The following PHGDH variants were observed in gnomAD, a reference collection of about 807,000 sequenced individuals.
PHGDH encodes D-3-phosphoglycerate dehydrogenase.
PHGDH carries 50 observed loss-of-function variants against 52.6 expected under a neutral mutation model. The ratio of observed to expected loss-of-function variants is 0.95; its 90% CI spans 0.76 to 1.20. PHGDH has a LOEUF of 1.20. Among genes scored for constraint, PHGDH ranks in the 50% most tolerant of loss-of-function variants. The pLI is 0.00. For synonymous variants in PHGDH, 271 were observed against 280.5 expected (o/e 0.97, Z 0.34); for missense variants, 630 against 684.6 (o/e 0.92, Z 0.89).
intron 3 of PHGDH, chr1:119,724,838 C>T (rs1452104049): frequency 2.2e-6 from 1 of 456,502 alleles, no homozygotes. Context: ...AAGAAGCTCC[C>T]CATTGTCAAC....
At chr1:119,736,351 T>C (rs138008194) in intron 7 of PHGDH, among the ~76,000 whole-genome samples, 2,161 of 152,324 alleles carry the variant, frequency 0.014, 100 homozygotes, top group Admixed American at 0.1. Flanking sequence ...CTTGAACCAC[T>C]TGCTGGTGGT....
chr1:119,723,448 C>A lies in PHGDH; in HGVS notation c.356+7C>A, dbSNP rs1570993643. On this transcript the variant is annotated splice_region_variant and intron_variant, in intron 3 of 11. Coordinates refer to ENST00000641023, the MANE Select transcript of PHGDH (RefSeq NM_006623.4). ...TGATCATGTGCCTGGCCAGGTAAGT[C>A]CCTGACTTCTCAGCAAAGCTAGTCT... 3.7e-6 allele frequency: 6 copies of A among 1,608,340 alleles called. No individual in the cohort carries two copies. Among genetic ancestry groups the A allele is most frequent in the Non-Finnish European group, 5.1e-6 (6 of 1,174,736 alleles).
intron 10 of PHGDH, 102 bp downstream of exon 10, chr1:119,741,999 C>G: frequency 2.0e-6 from 2 of 998,466 alleles, no homozygotes; most frequent in East Asian, 2.5e-5. Context: ...TAGGTCCCAG[C>G]CTTGCATCGG....
At chr1:119,730,123 G>A (rs913823736) in intron 5 of PHGDH, 39 of 152,088 alleles carry the variant, frequency 2.6e-4, no homozygotes, top group African/African-American at 8.9e-4. Flanking sequence ...GTCTTAGGGC[G>A]GAGAGCTCAT....
At chr1:119,715,103 A>G (rs905409734) in intron 1 of PHGDH, among the ~76,000 whole-genome samples, 1 of 152,262 alleles carries the variant, frequency 6.6e-6, no homozygotes, top group Non-Finnish European at 1.5e-5. Context: ...GTGACCCACA[A>G]TAAGAAATTT....
rs778237068 is a variant in PHGDH at position 119,742,838 on chromosome 1, G to A, written c.1241G>A (p.Gly414Glu). ...ACCTCCCACAGCCCTGCTGCACCAG[G>A]GGAGCAAGGCTTCGGGGAATGCCTC... ...VTTSHSPAAPGEQGFGECLLA... is the reference protein window; with the variant it reads ...VTTSHSPAAPEEQGFGECLLA... The change falls in exon 11 of 12, where the codon GGG (glycine) becomes GAG (glutamate). Residue 414 changes from glycine (G) to glutamate (E), a missense_variant. Coordinates refer to ENST00000641023, the MANE Select transcript of PHGDH (RefSeq NM_006623.4). 1.2e-5 allele frequency: 20 copies of A among 1,613,152 alleles called. No homozygotes were observed. Among genetic ancestry groups the A allele is most frequent in the East Asian group, 2.2e-5 (1 of 44,858 alleles).
chr1:119,725,838 T>C (rs1257801212), intron 3 of PHGDH, among the ~76,000 whole-genome samples: 1 of 152,336 alleles, frequency 6.6e-6, no homozygotes, highest in South Asian at 2.1e-4. Flanking sequence ...TGGGGTTGAC[T>C]TTGCTGGCTT....
At chr1:119,714,535 T>G (rs1650835975) in intron 1 of PHGDH, 1 of 152,256 alleles carries the variant, frequency 6.6e-6, no homozygotes, top group African/African-American at 2.4e-5. Context: ...TGTGTAGTTG[T>G]ATGTGTGTGG....
chr1:119,724,494 GAA>G, intron 3 of PHGDH: 1 of 337,152 alleles, frequency 3.0e-6, no homozygotes, highest in South Asian at 2.5e-5. Flanking sequence ...GCAGTGGGGG[GAA>G]AGGAGAAACA....
At chr1:119,713,804 C>T (rs1263944954) in intron 1 of PHGDH, among the ~76,000 whole-genome samples, 1 of 152,140 alleles carries the variant, frequency 6.6e-6, no homozygotes, top group Non-Finnish European at 1.5e-5. Context: ...GGGTGGCAAT[C>T]AAGTGCTTTC....
chr1:119,719,916 A>C (rs1255650001), intron 1 of PHGDH: 1 of 152,200 alleles, frequency 6.6e-6, no homozygotes, highest in African/African-American at 2.4e-5. Flanking sequence ...CTTTTATTTT[A>C]CAGGTAGAGA....
intron 5 of PHGDH, among the ~76,000 whole-genome samples, chr1:119,731,587 T>C (rs1219726854): frequency 2.0e-5 from 3 of 152,238 alleles, no homozygotes; most frequent in Non-Finnish European, 4.4e-5. Flanking sequence ...TGCTGAGGTC[T>C]ACTGTGTCGG....
At position 119,743,922 on chromosome 1, in the gene PHGDH, A is replaced by T; in HGVS notation, c.1484A>T (p.Tyr495Phe). 6.2e-7 allele frequency: 1 copy of T among 1,613,750 alleles called. No individual in the cohort carries two copies. The highest frequency in any genetic ancestry group is 1.7e-5 in the Admixed American group (1 of 60,010). Residue 495 changes from tyrosine (Y) to phenylalanine (F), a missense_variant, in exon 12 of 12, where the codon TAC (tyrosine) becomes TTC (phenylalanine). Coordinates refer to ENST00000641023, the MANE Select transcript of PHGDH (RefSeq NM_006623.4). The part of the protein sequence containing the change: ...LAEAGVRLLS[Y>F]QTSLVSDGET... The stretch of plus-strand genomic sequence containing the variant: ...GAGGCAGGCGTGCGGCTGCTGTCCT[A>T]CCAGACTTCACTGGTGTCAGATGGG...
At chr1:119,727,853 A>T (rs780127480) in intron 5 of PHGDH, among the ~76,000 whole-genome samples, 4 of 152,036 alleles carry the variant, frequency 2.6e-5, no homozygotes, top group Non-Finnish European at 5.9e-5. Context: ...AAACAAAAAC[A>T]AAAACGAATG....
intron 5 of PHGDH, among the ~76,000 whole-genome samples, chr1:119,733,638 C>G (rs1651803340): frequency 6.6e-6 from 1 of 152,086 alleles, no homozygotes; most frequent in Admixed American, 6.5e-5. Flanking sequence ...ACCCATCTTT[C>G]CCATTATATT....
In PHGDH at chr1:119,727,207, C is replaced by T; in HGVS notation, c.510+105C>T. Reference sequence around the variant, plus strand: ...GAAGCTTTGTTCTAGGAGGGTCTGACCCTCTCTTGGAGCCCCCATCTAAAT... The same window carrying T: ...GAAGCTTTGTTCTAGGAGGGTCTGATCCTCTCTTGGAGCCCCCATCTAAAT... On this transcript the variant is annotated intron_variant, in intron 5 of 11. Transcript: ENST00000641023. 9 of 754,958 alleles carry T rather than the reference C, an allele frequency of 1.2e-5. No individual in the cohort carries two copies. In the South Asian group the frequency reaches 1.3e-4, roughly 11 times the overall value. 46.8% of individuals were successfully genotyped at this position (754,958 alleles called of 1,614,324 possible).
intron 1 of PHGDH, chr1:119,712,405 T>G: frequency 2.1e-6 from 1 of 483,136 alleles, no homozygotes; most frequent in Non-Finnish European, 3.8e-6. Context: ...ATGCCTCCGC[T>G]AGCATTGCAA....
chr1:119,731,382 G>GTGT (rs1651683620), intron 5 of PHGDH, among the ~76,000 whole-genome samples: 1 of 152,192 alleles, frequency 6.6e-6, no homozygotes, highest in African/African-American at 2.4e-5. Context: ...TCCTTAGAAT[G>GTGT]TGTTAAGAGG....
At chr1:119,725,612 G>C (rs1651372694) in intron 3 of PHGDH, among the ~76,000 whole-genome samples, 1 of 152,210 alleles carries the variant, frequency 6.6e-6, no homozygotes, top group Non-Finnish European at 1.5e-5. Context: ...GCGCCTCTGT[G>C]ATGGAGGACA....
Sources: allele counts gnomAD v4.1 joint callset (sites outside exome capture counted in the v4.1 genomes callset), GRCh38; gene constraint gnomAD v4.1.1; transcripts MANE v1.5; gene names NCBI Gene and HGNC (gene_info 2026-07-23, HGNC 2026-07-21).